Variants in PACRGL observed in about 807,000 individuals in gnomAD.
PACRGL encodes the protein PACRG-like protein.
In PACRGL, 38 loss-of-function variants were observed where a neutral mutation model predicts 34.5. The ratio of observed to expected loss-of-function variants is 1.10; its 90% CI spans 0.85 to 1.44. The LOEUF (loss-of-function observed/expected upper bound fraction) is 1.44. PACRGL is among the 40% of genes most tolerant of loss of function. The pLI is 0.00. For synonymous variants in PACRGL, 128 were observed against 100.1 expected, an observed-to-expected ratio of 1.28 and a Z score of -1.66; for missense variants, 305 against 281.4, an observed-to-expected ratio of 1.08 and a Z score of -0.60.
chr4:20,720,510 T>C (rs967265554), intron 7 of PACRGL, among the ~76,000 whole-genome samples: 1 of 152,224 alleles, frequency 6.6e-6, no homozygotes, highest in Admixed American at 6.5e-5. Context: ...CAGGAGCTCT[T>C]GTAAGGCAGG....
At chr4:20,756,398 CTCTTT>C (rs1387701456), downstream of PACRGL, among the ~76,000 whole-genome samples, 3 of 152,234 alleles carry the variant, frequency 2.0e-5, no homozygotes, top group African/African-American at 7.2e-5. Flanking sequence ...TCCTATTTAT[CTCTTT>C]TCTTTTCTAT....
chr4:20,764,267 T>G, the PACRGL span, among the ~76,000 whole-genome samples: 1 of 152,144 alleles, frequency 6.6e-6, no homozygotes, highest in Non-Finnish European at 1.5e-5. Context: ...TAAGCATATA[T>G]ACCGTAGAAA....
upstream of PACRGL, among the ~76,000 whole-genome samples, chr4:20,698,616 G>C (rs1386611871): frequency 6.6e-6 from 1 of 152,210 alleles, no homozygotes; most frequent in Admixed American, 6.5e-5. Flanking sequence ...TATCCTGATA[G>C]AGTTGCAATG....
upstream of PACRGL, among the ~76,000 whole-genome samples, chr4:20,698,939 A>G (rs1731400118): frequency 6.6e-6 from 1 of 152,228 alleles, no homozygotes; most frequent in Non-Finnish European, 1.5e-5. Flanking sequence ...AATGAAGAGG[A>G]AATTGAGGCT....
At chr4:20,700,220 G>A (rs1731580831), upstream of PACRGL, among the ~76,000 whole-genome samples, 1 of 152,206 alleles carries the variant, frequency 6.6e-6, no homozygotes, top group Non-Finnish European at 1.5e-5. Flanking sequence ...ACCCGTCATC[G>A]TCCCTCTGCT....
At chr4:20,712,188 T>C (rs1444295736) in intron 5 of PACRGL, among the ~76,000 whole-genome samples, 4 of 151,874 alleles carry the variant, frequency 2.6e-5, no homozygotes, top group Non-Finnish European at 5.9e-5. Context: ...CCTATTTTAT[T>C]TTCTCTTTCT....
At chr4:20,745,462 A>G (rs1020091166) in intron 8 of PACRGL, among the ~76,000 whole-genome samples, 3 of 152,202 alleles carry the variant, frequency 2.0e-5, no homozygotes, top group Non-Finnish European at 2.9e-5. Context: ...AATGTGGCTT[A>G]TAAGACTTTT....
downstream of PACRGL, chr4:20,734,826 C>T (rs2149274663): frequency 1.6e-6 from 1 of 629,168 alleles, no homozygotes; most frequent in Admixed American, 3.1e-5. Context: ...CTACAACCCT[C>T]TGGATCTTGA....
At chr4:20,708,051 T>C (rs1735359097) in intron 4 of PACRGL, among the ~76,000 whole-genome samples, 181 bp downstream of exon 4, 1 of 152,224 alleles carries the variant, frequency 6.6e-6, no homozygotes, top group African/African-American at 2.4e-5. Context: ...AGAAAACCAT[T>C]CTAGTTCCAA....
rs1289468274 is a variant in PACRGL, at chr4:20,728,499, C to CTGTT, written c.*1160_*1163dup. ...GCCTGCCTGCTGGCCTTGCTTTTACCTGTTTTCATTGCATTGAGCACCATC... is the reference window on the plus strand; with the variant it reads ...GCCTGCCTGCTGGCCTTGCTTTTACCTGTTTGTTTTCATTGCATTGAGCACCATC... On this transcript the variant is annotated 3_prime_UTR_variant, in exon 9 of 9. Coordinates refer to ENST00000503585, the MANE Select transcript of PACRGL (RefSeq NM_001258345.3). 1 of 152,250 alleles carries CTGTT rather than the reference C, an allele frequency of 6.6e-6. No homozygotes were observed. The highest frequency in any genetic ancestry group is 1.5e-5 in the Non-Finnish European group (1 of 68,040). 9.4% of individuals were successfully genotyped at this position (152,250 alleles called of 1,614,324 possible).
intron 8 of PACRGL, among the ~76,000 whole-genome samples, chr4:20,750,218 A>G (rs538127047): frequency 1.3e-5 from 2 of 152,336 alleles, no homozygotes; most frequent in South Asian, 2.1e-4. Flanking sequence ...GGTGAAAAAC[A>G]TACCCAAAGT....
chr4:20,758,757 ACT>A, the PACRGL span: 4 of 1,255,130 alleles, frequency 3.2e-6, no homozygotes, highest in Non-Finnish European at 4.6e-6. Flanking sequence ...GAAAAATTAA[ACT>A]CAACACTGCA....
the PACRGL span, among the ~76,000 whole-genome samples, chr4:20,766,174 C>G: frequency 6.6e-6 from 1 of 152,038 alleles, no homozygotes; most frequent in Admixed American, 6.6e-5. Context: ...CTCCATTTTA[C>G]AAATGAATGA....
chr4:20,765,439 C>T, the PACRGL span, among the ~76,000 whole-genome samples: 3 of 152,066 alleles, frequency 2.0e-5, no homozygotes, highest in South Asian at 2.1e-4. Flanking sequence ...TTGGGATCAC[C>T]GATTAAAATT....
At chr4:20,713,032 A>T in intron 6 of PACRGL, 110 bp downstream of exon 6, 2 of 1,116,832 alleles carry the variant, frequency 1.8e-6, no homozygotes, top group Non-Finnish European at 2.4e-6. Flanking sequence ...TATGCAAAGT[A>T]GTCCTTTATC....
chr4:20,729,462 G>GATAATAAACTAATTTTTAAATGTTTA lies in PACRGL; in HGVS notation c.*2127_*2152dup, dbSNP rs1560391600. The GATAATAAACTAATTTTTAAATGTTTA allele has an allele frequency of 1.5e-5, 2 of 132,768 alleles. No homozygotes were observed. The highest frequency in any genetic ancestry group is 5.1e-5 in the African/African-American group (2 of 38,874). 8.2% of individuals were successfully genotyped at this position (132,768 alleles called of 1,614,324 possible). On this transcript the variant is annotated 3_prime_UTR_variant, in exon 9 of 9. Coordinates refer to ENST00000503585, the MANE Select transcript of PACRGL (RefSeq NM_001258345.3). ...TTTTATTAGGCATATGCTGATATCTGATAATAAACTAATTTTTAAATGTTT... is the reference window on the plus strand; with the variant it reads ...TTTTATTAGGCATATGCTGATATCTGATAATAAACTAATTTTTAAATGTTTAATAATAAACTAATTTTTAAATGTTT...
At chr4:20,739,366 C>T (rs932557743) in intron 8 of PACRGL, among the ~76,000 whole-genome samples, 1 of 152,160 alleles carries the variant, frequency 6.6e-6, no homozygotes, top group African/African-American at 2.4e-5. Context: ...CAGCCAGGTG[C>T]CCCTCTAAGA....
At chr4:20,756,591 C>T (rs755994762), downstream of PACRGL, among the ~76,000 whole-genome samples, 4 of 151,860 alleles carry the variant, frequency 2.6e-5, no homozygotes, top group South Asian at 2.1e-4. Flanking sequence ...TATTGGTTGT[C>T]GCTGTTTTCT....
At chr4:20,708,698 A>T (rs1735683358) in intron 4 of PACRGL, among the ~76,000 whole-genome samples, 1 of 152,198 alleles carries the variant, frequency 6.6e-6, no homozygotes, top group Non-Finnish European at 1.5e-5. Flanking sequence ...GGAGTCAAGA[A>T]GTCAAGAACA....
Sources: gnomAD v4.1 joint callset for allele counts (sites outside exome capture counted in the v4.1 genomes callset) on GRCh38, gnomAD v4.1.1 for gene constraint, MANE v1.5 for transcripts, NCBI Gene and HGNC (gene_info 2026-07-23, HGNC 2026-07-21) for gene names.